The following TMEM63C variants were observed in gnomAD, a reference collection of about 807,000 sequenced individuals.
The protein encoded by TMEM63C is osmosensitive cation channel TMEM63C.
In TMEM63C, 32 loss-of-function variants were observed where a neutral mutation model predicts 99.2. The ratio of observed to expected loss-of-function variants is 0.32; its 90% CI spans 0.24 to 0.43. TMEM63C has a LOEUF of 0.43. TMEM63C is among the 20% of genes least tolerant of loss of function. The pLI is 1.00. For missense variants in TMEM63C, 826 were observed against 1,053.0 expected, an observed-to-expected ratio of 0.78 and a Z score of 2.98; for synonymous variants, 376 against 397.9, an observed-to-expected ratio of 0.94 and a Z score of 0.66.
At chr14:77,228,151 A>G in intron 6 of TMEM63C, among the ~76,000 whole-genome samples, 1 of 152,282 alleles carries the variant, frequency 6.6e-6, no homozygotes, top group Middle Eastern at 3.4e-3. Flanking sequence ...AATTGTGAGT[A>G]GGAAGAAGGG....
intron 1 of TMEM63C, among the ~76,000 whole-genome samples, chr14:77,206,966 T>C (rs1030346333): frequency 6.6e-6 from 1 of 152,200 alleles, no homozygotes; most frequent in African/African-American, 2.4e-5. Context: ...TTTACCTTTT[T>C]AACACAGGCA....
chr14:77,242,765 C>G, intron 14 of TMEM63C, 138 bp from the exon 15 acceptor site: 1 of 1,028,336 alleles, frequency 9.7e-7, no homozygotes, highest in Non-Finnish European at 1.5e-6. Flanking sequence ...GTCCAGGGTC[C>G]TGTTGCATGC....
At chr14:77,205,593 C>G (rs891407020) in intron 1 of TMEM63C, among the ~76,000 whole-genome samples, 1 of 152,182 alleles carries the variant, frequency 6.6e-6, no homozygotes, top group Non-Finnish European at 1.5e-5. Flanking sequence ...GCCAATGGAG[C>G]ATTCCCGTTG....
At chr14:77,202,863 A>ACACACACG (rs1888325152) in intron 1 of TMEM63C, among the ~76,000 whole-genome samples, 2 of 68,192 alleles carry the variant, frequency 2.9e-5, no homozygotes, top group East Asian at 2.6e-3. Flanking sequence ...ACACACACAC[A>ACACACACG]CACGCACACA....
intron 6 of TMEM63C, among the ~76,000 whole-genome samples, chr14:77,229,504 G>A (rs1007541061): frequency 4.0e-5 from 6 of 151,582 alleles, no homozygotes; most frequent in Non-Finnish European, 8.8e-5. Flanking sequence ...CTGGAGTGCA[G>A]TGGCATGATA....
chr14:77,251,596 A>G, intron 21 of TMEM63C, 193 bp from the exon 22 acceptor site: 1 of 595,080 alleles, frequency 1.7e-6, no homozygotes, highest in Admixed American at 3.0e-5. Context: ...CATGGACTCC[A>G]CAGATGCCAA....
At chr14:77,234,465 G>A (rs1177241943) in intron 8 of TMEM63C, among the ~76,000 whole-genome samples, 8 of 152,190 alleles carry the variant, frequency 5.3e-5, no homozygotes, top group African/African-American at 1.9e-4. Flanking sequence ...CCAACAAAAA[G>A]TGAATTCTAG....
At chr14:77,220,203 C>A in intron 5 of TMEM63C, 116 bp downstream of exon 5, 2 of 977,328 alleles carry the variant, frequency 2.0e-6, no homozygotes, top group Non-Finnish European at 3.1e-6. Flanking sequence ...CCAGCCTCAA[C>A]CACTCTGGCA....
At chr14:77,199,790 T>G (rs1467010) in intron 1 of TMEM63C, among the ~76,000 whole-genome samples, 135,572 of 152,202 alleles carry the variant, frequency 0.89, 61,938 homozygotes, top group Middle Eastern at 0.98. Context: ...GTGGGACTCA[T>G]CGAACACTGG....
chr14:77,243,111 T>G, intron 15 of TMEM63C, 55 bp downstream of exon 15: 1 of 1,595,328 alleles, frequency 6.3e-7, no homozygotes, highest in Non-Finnish European at 8.5e-7. Flanking sequence ...AAGGAATAAT[T>G]CAGGCGAGGA....
chr14:77,202,038 A>G (rs541936177), intron 1 of TMEM63C, among the ~76,000 whole-genome samples: 1 of 152,330 alleles, frequency 6.6e-6, no homozygotes, highest in East Asian at 1.9e-4. Flanking sequence ...CATCCCTTCT[A>G]GGTGCTCCCT....
At chr14:77,232,535 G>A (rs1342721127) in intron 7 of TMEM63C, among the ~76,000 whole-genome samples, 8 of 152,092 alleles carry the variant, frequency 5.3e-5, no homozygotes, top group Non-Finnish European at 1.0e-4. Flanking sequence ...TGATCCGCCC[G>A]CCTTGGCCTC....
chr14:77,229,054 GC>G (rs1888886462), intron 6 of TMEM63C, among the ~76,000 whole-genome samples: 1 of 152,160 alleles, frequency 6.6e-6, no homozygotes, highest in Non-Finnish European at 1.5e-5. Context: ...AAGCAAAAGA[GC>G]AGTGCATCAA....
At chr14:77,191,544 T>TC (rs1190135998) in intron 1 of TMEM63C, among the ~76,000 whole-genome samples, 1 of 82,652 alleles carries the variant, frequency 1.2e-5, no homozygotes, top group Non-Finnish European at 2.9e-5. Context: ...TTTTCTTTTT[T>TC]TTTTTTTTTT....
chr14:77,188,732 GGTGT>G (rs1211713708), intron 1 of TMEM63C, among the ~76,000 whole-genome samples: 3 of 152,022 alleles, frequency 2.0e-5, no homozygotes, highest in Admixed American at 2.0e-4. Context: ...CAAGTGGGGT[GGTGT>G]GTACCTGTAG....
intron 1 of TMEM63C, among the ~76,000 whole-genome samples, chr14:77,186,453 C>G (rs1413874843): frequency 6.6e-6 from 1 of 152,124 alleles, no homozygotes; most frequent in Non-Finnish European, 1.5e-5. Flanking sequence ...CCTATAATCC[C>G]AGCACTTTGG....
At chr14:77,214,345 G>A (rs560254369) in intron 2 of TMEM63C, among the ~76,000 whole-genome samples, 4 of 152,046 alleles carry the variant, frequency 2.6e-5, no homozygotes, top group Admixed American at 6.5e-5. Flanking sequence ...ATGAGTGAGC[G>A]TTGGAGCTGA....
chr14:77,187,927 G>A (rs995234437), intron 1 of TMEM63C, among the ~76,000 whole-genome samples: 4 of 152,226 alleles, frequency 2.6e-5, no homozygotes, highest in African/African-American at 9.6e-5. Context: ...TTCCCACTCA[G>A]GGGTTATTTG....
rs375733040 is a variant in TMEM63C at position 77,243,066 on chromosome 14, C to T, written c.1341+10C>T. On this transcript the variant is annotated intron_variant, in intron 15 of 23. Coordinates refer to ENST00000298351, the MANE Select transcript of TMEM63C (RefSeq NM_020431.4). ...CATCGAGAAGCTGCAGGTGCCTCCT[C>T]TGCTCAGGCCAGGCCTGGGGACCCC... The T allele has an allele frequency of 1.9e-6, 3 of 1,613,230 alleles. No individual in the cohort carries two copies. The Admixed American group carries it at 5.0e-5, about 27-fold the overall frequency.
Sources: allele counts gnomAD v4.1 joint callset (sites outside exome capture counted in the v4.1 genomes callset), GRCh38; gene constraint gnomAD v4.1.1; transcripts MANE v1.5; gene names NCBI Gene and HGNC (gene_info 2026-07-23, HGNC 2026-07-21).